Variants in ZNF69 observed in about 807,000 individuals in gnomAD.
ZNF69 encodes ZNF3.
Under a neutral mutation model 50.9 loss-of-function variants are expected in ZNF69, and 47 were observed. The ratio of observed to expected loss-of-function variants is 0.92; its 90% CI spans 0.73 to 1.18. The LOEUF (loss-of-function observed/expected upper bound fraction) is 1.18. ZNF69 is among the 50% of genes most tolerant of loss of function. The pLI is 0.00. For missense variants in ZNF69, 717 were observed against 675.1 expected, an observed-to-expected ratio of 1.06 and a Z score of -0.69; for synonymous variants, 216 against 223.1, an observed-to-expected ratio of 0.97 and a Z score of 0.29.
chr19:11,964,976 C>T, the ZNF69 span: 6 of 510,456 alleles, frequency 1.2e-5, no homozygotes, highest in East Asian at 2.2e-4. Flanking sequence ...GCATTCCATC[C>T]AATCAGAGGT....
chr19:11,950,152 G>T, the ZNF69 span: 2 of 1,613,840 alleles, frequency 1.2e-6, no homozygotes, highest in Non-Finnish European at 1.7e-6. Flanking sequence ...TAAGGAATGC[G>T]GAAAAGCATT....
chr19:11,964,227 C>G, the ZNF69 span, among the ~76,000 whole-genome samples: 12,198 of 152,236 alleles, frequency 0.08, 891 homozygotes, highest in African/African-American at 0.19. Context: ...TTCCGAGAAG[C>G]TGCAGAGCCC....
intron 1 of ZNF69, among the ~76,000 whole-genome samples, chr19:11,899,398 G>C (rs1368105497): frequency 6.6e-6 from 1 of 152,054 alleles, no homozygotes; most frequent in Non-Finnish European, 1.5e-5. Flanking sequence ...CAAATGCCTG[G>C]ATTCCACTTG....
At chr19:11,950,593 T>G in the ZNF69 span, 71 of 476,556 alleles carry the variant, frequency 1.5e-4, no homozygotes, top group African/African-American at 1.3e-3. Context: ...CATGGAAGGG[T>G]TCACACTTGG....
At chr19:11,966,855 C>A in the ZNF69 span, among the ~76,000 whole-genome samples, 2 of 152,104 alleles carry the variant, frequency 1.3e-5, no homozygotes, top group African/African-American at 2.4e-5. Flanking sequence ...AGAAAGATAG[C>A]AATGGCCCAA....
the ZNF69 span, among the ~76,000 whole-genome samples, chr19:11,966,089 T>C: frequency 6.6e-6 from 1 of 152,214 alleles, no homozygotes; most frequent in Non-Finnish European, 1.5e-5. Flanking sequence ...TTTCTCGAGA[T>C]TTTATGAATT....
chr19:11,954,994 AAATTT>A, the ZNF69 span, among the ~76,000 whole-genome samples: 3 of 146,570 alleles, frequency 2.0e-5, no homozygotes, highest in Non-Finnish European at 4.4e-5. Context: ...TGTTTCAAAA[AAATTT>A]TTTTTTTTTT....
the ZNF69 span, chr19:11,948,318 T>C: frequency 9.0e-5 from 145 of 1,613,624 alleles, no homozygotes; most frequent in Non-Finnish European, 1.2e-4. Context: ...AAGAAGACAG[T>C]CATTGTGGAG....
chr19:11,977,503 AAAAC>A, the ZNF69 span: 1 of 1,541,718 alleles, frequency 6.5e-7, no homozygotes, highest in Non-Finnish European at 8.9e-7. Flanking sequence ...GAAGAGAAGT[AAAAC>A]AAAGAACTAA....
chr19:11,978,773 A>G, the ZNF69 span: 3 of 1,614,140 alleles, frequency 1.9e-6, no homozygotes, highest in Non-Finnish European at 2.5e-6. Flanking sequence ...GGGGAAAGCC[A>G]TATGAATGTA....
At chr19:11,947,164 C>G in the ZNF69 span, 20 of 1,612,634 alleles carry the variant, frequency 1.2e-5, no homozygotes, top group Admixed American at 1.7e-5. Flanking sequence ...TTCCTCTACA[C>G]ATGTGAGATG....
At chr19:11,900,973 T>C (rs759781823) in intron 1 of ZNF69, among the ~76,000 whole-genome samples, 17 of 152,204 alleles carry the variant, frequency 1.1e-4, no homozygotes, top group Non-Finnish European at 2.4e-4. Context: ...AAGTAAATGA[T>C]TCATTAGGAA....
the ZNF69 span, among the ~76,000 whole-genome samples, chr19:11,937,490 C>CTTTTTT: frequency 3.1e-5 from 4 of 129,012 alleles, 1 homozygote; most frequent in African/African-American, 3.1e-5. Context: ...TTTTTCTTTC[C>CTTTTTT]TTTTTTTTTT....
chr19:11,923,390 A>G, the ZNF69 span, among the ~76,000 whole-genome samples: 1 of 152,168 alleles, frequency 6.6e-6, no homozygotes, highest in Non-Finnish European at 1.5e-5. Flanking sequence ...GGCTCACACA[A>G]GCTGCAACAG....
In ZNF69 at chr19:11,905,195, C is replaced by T. The variant is rs185877138; in HGVS notation, c.798C>T (p.His266=). Residue 266 remains histidine, a synonymous_variant, in exon 4 of 4, where the codon CAC becomes CAT. Transcript: ENST00000429654. The part of the protein sequence containing the change: ...SFSYSATLRI[H]ERTHTGEKPY... ...GTTATTCTGCTACCCTTCGAATACA[C>T]GAAAGAACTCACACTGGAGAAAAGC... 6.6e-5 allele frequency: 106 copies of T among 1,613,960 alleles called. No homozygotes were observed. Among genetic ancestry groups the T allele is most frequent in the Admixed American group, 1.2e-4 (7 of 60,008 alleles).
At position 11,904,899 on chromosome 19, in the gene ZNF69, C is replaced by T. The variant is rs774737074; in HGVS notation, c.502C>T (p.Gln168Ter). 3.7e-6 allele frequency: 6 copies of T among 1,614,042 alleles called. 1 individual carries two copies. The highest frequency in any genetic ancestry group is 3.3e-5 in the Admixed American group (2 of 59,996). ...TGGACCGAAGCCATGTAAGTGTCAA[C>T]AACCTAAAAAAGCCTTCAGATATCA... ...EYGPKPCKCQ[Q>*]PKKAFRYHPS... Residue 168 changes from glutamine to a stop codon, truncating the protein, a stop_gained, in exon 4 of 4, where the codon CAA becomes TAA. Transcript: ENST00000429654. LOFTEE classifies it high-confidence loss of function.
At chr19:11,960,310 G>A in the ZNF69 span, among the ~76,000 whole-genome samples, 2 of 152,134 alleles carry the variant, frequency 1.3e-5, no homozygotes, top group Non-Finnish European at 2.9e-5. Flanking sequence ...GCGCCACTGC[G>A]CCCGTCTCTT....
chr19:11,931,536 A>G, the ZNF69 span, among the ~76,000 whole-genome samples: 2 of 148,290 alleles, frequency 1.3e-5, no homozygotes, highest in Admixed American at 6.6e-5. Flanking sequence ...ACAATATTCT[A>G]TAGAGGATCT....
At chr19:11,965,264 G>A in the ZNF69 span, 1 of 1,611,952 alleles carries the variant, frequency 6.2e-7, no homozygotes, top group African/African-American at 1.3e-5. Context: ...GCCTGGAACC[G>A]GCCGGAACCG....
Sources: gnomAD v4.1 joint callset for allele counts (sites outside exome capture counted in the v4.1 genomes callset) on GRCh38, gnomAD v4.1.1 for gene constraint, MANE v1.5 for transcripts, NCBI Gene and HGNC (gene_info 2026-07-23, HGNC 2026-07-21) for gene names.